DPF3: variants seen among roughly 807,000 people sequenced by gnomAD.
The protein encoded by DPF3 is double PHD fingers 3.
DPF3 carries 18 observed loss-of-function variants against 56.8 expected under a neutral mutation model. The ratio of observed to expected loss-of-function variants is 0.32; its 90% CI spans 0.22 to 0.47. The LOEUF (loss-of-function observed/expected upper bound fraction) is 0.47, where lower values mean the gene tolerates loss of function less well. Ranked by LOEUF, DPF3 falls within the 20% of genes least tolerant of loss-of-function variation. The pLI is 1.00. For missense variants in DPF3, 403 were observed against 488.8 expected, an observed-to-expected ratio of 0.82 and a Z score of 1.65; for synonymous variants, 188 against 180.2, an observed-to-expected ratio of 1.04 and a Z score of -0.35.
chr14:72,697,230 AT>A (rs1180390379), intron 6 of DPF3, among the ~76,000 whole-genome samples: 2 of 152,130 alleles, frequency 1.3e-5, no homozygotes, highest in Non-Finnish European at 2.9e-5. Flanking sequence ...TAGACACCTA[AT>A]ATGTGCCCCA....
At chr14:72,876,262 C>A (rs1042572048) in intron 1 of DPF3, among the ~76,000 whole-genome samples, 1 of 152,194 alleles carries the variant, frequency 6.6e-6, no homozygotes, top group African/African-American at 2.4e-5. Context: ...CCTCACCCCA[C>A]CCCTCTGGGT....
chr14:72,700,711 C>T (rs1888120892), intron 6 of DPF3, among the ~76,000 whole-genome samples: 1 of 152,220 alleles, frequency 6.6e-6, no homozygotes, highest in Non-Finnish European at 1.5e-5. Context: ...GGTTCAAGTC[C>T]CAGCTCTGCT....
At chr14:72,893,711 C>T (rs914325489) in intron 1 of DPF3, among the ~76,000 whole-genome samples, 2 of 150,214 alleles carry the variant, frequency 1.3e-5, no homozygotes, top group African/African-American at 4.9e-5. Flanking sequence ...GCCCGCGAGG[C>T]GGGGGACTCC....
intron 1 of DPF3, among the ~76,000 whole-genome samples, chr14:72,869,853 A>G (rs1885826115): frequency 1.3e-5 from 2 of 152,154 alleles, no homozygotes. Context: ...AGAAACAGGC[A>G]TACCCATGTT....
chr14:72,649,015 T>A (rs755478991), intron 8 of DPF3, among the ~76,000 whole-genome samples: 3 of 152,126 alleles, frequency 2.0e-5, no homozygotes, highest in Non-Finnish European at 4.4e-5. Context: ...TGGCTGCCCC[T>A]TCTTGGTCTT....
intron 8 of DPF3, chr14:72,670,322 G>A: frequency 1.0e-6 from 1 of 986,244 alleles, no homozygotes; most frequent in Non-Finnish European, 1.2e-6. Flanking sequence ...GGAGGAAAGT[G>A]AGGAAAAACC....
chr14:72,801,610 T>G (rs551072803), intron 1 of DPF3, among the ~76,000 whole-genome samples: 29 of 152,200 alleles, frequency 1.9e-4, no homozygotes, highest in Non-Finnish European at 3.7e-4. Flanking sequence ...CACAAAGTTC[T>G]GAGTGGAAGA....
At chr14:72,850,998 C>T (rs1235657738) in intron 1 of DPF3, among the ~76,000 whole-genome samples, 1 of 152,196 alleles carries the variant, frequency 6.6e-6, no homozygotes, top group East Asian at 1.9e-4. Flanking sequence ...TGATGGTTGC[C>T]ATAGTGGAAT....
At chr14:72,854,530 A>G (rs1161310927) in intron 1 of DPF3, among the ~76,000 whole-genome samples, 3 of 152,212 alleles carry the variant, frequency 2.0e-5, no homozygotes, top group Non-Finnish European at 4.4e-5. Context: ...TCATAAAGTA[A>G]TTAGAAATAA....
intron 1 of DPF3, among the ~76,000 whole-genome samples, chr14:72,791,008 G>A (rs1241000837): frequency 2.0e-5 from 3 of 152,112 alleles, no homozygotes; most frequent in Non-Finnish European, 4.4e-5. Flanking sequence ...AGAGAGACAG[G>A]GGATTTCCTC....
chr14:72,672,059 A>ACG (rs1555494742), intron 8 of DPF3, among the ~76,000 whole-genome samples: 2,706 of 63,756 alleles, frequency 0.042, 120 homozygotes, highest in African/African-American at 0.12. Flanking sequence ...ACACACACAC[A>ACG]GACACACACA....
At chr14:72,632,641 G>T (rs1885232668) in intron 8 of DPF3, among the ~76,000 whole-genome samples, 1 of 147,034 alleles carries the variant, frequency 6.8e-6, no homozygotes, top group Non-Finnish European at 1.5e-5. Flanking sequence ...GCAGGAGGAA[G>T]GGAGGGAAGG....
chr14:72,876,763 CCT>C (rs1460794376), intron 1 of DPF3, among the ~76,000 whole-genome samples: 6 of 152,216 alleles, frequency 3.9e-5, no homozygotes, highest in Admixed American at 2.6e-4. Context: ...TCTGAAGCAT[CCT>C]CTGTCATCCC....
At position 72,771,803 on chromosome 14, in the gene DPF3, G is replaced by A. The variant is rs71427170; in HGVS notation, c.123C>T (p.Phe41=). 1.9e-6 allele frequency: 3 copies of A among 1,613,930 alleles called. No homozygotes were observed. Among genetic ancestry groups the A allele is most frequent in the Non-Finnish European group, 2.5e-6 (3 of 1,179,900 alleles). ...LCAERSVRLP[F]LDSQTGVAQN... is the part of the protein sequence containing the mutation. ...GGGCCACCCCAGTCTGTGAGTCCAG[G>A]AAGGGAAGACGCACGCTGCGCTCTG... Residue 41 remains phenylalanine (F), a synonymous_variant, in exon 2 of 11, where the codon TTC becomes TTT. Coordinates refer to ENST00000556509, the MANE Select transcript of DPF3 (RefSeq NM_001280542.3).
intron 1 of DPF3, among the ~76,000 whole-genome samples, chr14:72,828,318 C>T (rs61986325): frequency 0.041 from 6,269 of 152,116 alleles, 192 homozygotes; most frequent in Non-Finnish European, 0.068. Flanking sequence ...GAAGTGAGGA[C>T]GTGGTCCCTG....
intron 1 of DPF3, among the ~76,000 whole-genome samples, chr14:72,841,446 T>C (rs554012985): frequency 1.3e-5 from 2 of 152,210 alleles, no homozygotes; most frequent in South Asian, 4.2e-4. Context: ...TTTTGGAAAA[T>C]CTGTAATCTC....
intron 1 of DPF3, among the ~76,000 whole-genome samples, chr14:72,814,598 T>C (rs879551693): frequency 6.6e-6 from 1 of 152,172 alleles, no homozygotes; most frequent in Non-Finnish European, 1.5e-5. Flanking sequence ...ACGGATCTCT[T>C]GAGACCAGGA....
intron 8 of DPF3, among the ~76,000 whole-genome samples, chr14:72,645,183 A>G (rs1460134305): frequency 6.6e-6 from 1 of 152,270 alleles, no homozygotes; most frequent in Admixed American, 6.5e-5. Context: ...CAGAAACTCT[A>G]TCACAACAGC....
intron 5 of DPF3, among the ~76,000 whole-genome samples, chr14:72,722,021 T>A (rs1889195236): frequency 6.6e-6 from 1 of 152,116 alleles, no homozygotes; most frequent in Non-Finnish European, 1.5e-5. Flanking sequence ...ACAAACCAAC[T>A]ATAAAATGGC....
Sources: gnomAD v4.1 joint callset for allele counts (sites outside exome capture counted in the v4.1 genomes callset) on GRCh38, gnomAD v4.1.1 for gene constraint, MANE v1.5 for transcripts, NCBI Gene and HGNC (gene_info 2026-07-23, HGNC 2026-07-21) for gene names.